Variants in ENTHD1 observed in about 807,000 individuals in gnomAD.
The protein encoded by ENTHD1 is ENTH domain-containing protein 1.
In ENTHD1, 23 loss-of-function variants were observed where a neutral mutation model predicts 39.1. That is an observed-to-expected ratio of 0.59 (90% confidence interval 0.42 to 0.83). The LOEUF (loss-of-function observed/expected upper bound fraction) is 0.83. ENTHD1 is among the 40% of genes least tolerant of loss of function. The pLI is 0.00. For missense variants in ENTHD1, 624 were observed against 705.4 expected (o/e 0.88, Z 1.31); for synonymous variants, 230 against 258.2 (o/e 0.89, Z 1.05).
intron 5 of ENTHD1, among the ~76,000 whole-genome samples, chr22:39,803,736 G>A (rs1202853894): frequency 6.6e-6 from 1 of 152,126 alleles, no homozygotes; most frequent in African/African-American, 2.4e-5. Context: ...TTACTAAGTT[G>A]GGGTCTAGAG....
chr22:39,743,531 A>G lies in ENTHD1; in HGVS notation c.*148T>C. ...AATAAACCACCCAAATGAAAGTATT[A>G]GTTTGAAAGATACTTGCTAATAAAC... is the stretch of plus-strand genomic sequence containing the variant. On this transcript the variant is annotated 3_prime_UTR_variant, in exon 7 of 7. Coordinates refer to ENST00000325157, the MANE Select transcript of ENTHD1 (RefSeq NM_152512.4). The G allele has an allele frequency of 1.2e-6, 1 of 867,808 alleles. No individual in the cohort carries two copies. The highest frequency in any genetic ancestry group is 2.5e-5 in the South Asian group (1 of 40,774). 53.8% of individuals were successfully genotyped at this position (867,808 alleles called of 1,614,324 possible).
At chr22:39,881,099 G>A (rs1266393898) in intron 2 of ENTHD1, among the ~76,000 whole-genome samples, 2 of 152,230 alleles carry the variant, frequency 1.3e-5, no homozygotes, top group Non-Finnish European at 2.9e-5. Context: ...ACAAAGTGCA[G>A]TAAACATGCT....
Position 39,820,920 on chromosome 22 carries a change from T to C in ENTHD1, c.832+73A>G, listed in dbSNP as rs376997525. On this transcript the variant is annotated intron_variant, in intron 5 of 6. Coordinates refer to ENST00000325157, the MANE Select transcript of ENTHD1 (RefSeq NM_152512.4). ...TCTGTCCCTCATTAACAAAGTTAAA[T>C]AGAAGCCAACGGTTGCTGTACTTCA... 197 of 1,559,294 alleles carry C rather than the reference T, an allele frequency of 1.3e-4. No individual in the cohort carries two copies. The South Asian group carries it at 2.2e-3, about 17-fold the overall frequency.
intron 3 of ENTHD1, among the ~76,000 whole-genome samples, chr22:39,852,517 C>A (rs2066050524): frequency 6.6e-6 from 1 of 152,190 alleles, no homozygotes; most frequent in Admixed American, 6.5e-5. Flanking sequence ...CTGAGAAATG[C>A]ATTGCTAGGC....
chr22:39,806,686 A>G (rs2065643194), intron 5 of ENTHD1, among the ~76,000 whole-genome samples: 1 of 152,134 alleles, frequency 6.6e-6, no homozygotes, highest in South Asian at 2.1e-4. Context: ...GAGGGAAATA[A>G]CAGGCAAGGA....
chr22:39,750,226 CT>C (rs1325253158), intron 6 of ENTHD1: 2 of 193,090 alleles, frequency 1.0e-5, no homozygotes, highest in African/African-American at 4.7e-5. Flanking sequence ...GAAAATGCTT[CT>C]GTTAGAACCT....
At chr22:39,857,178 C>T (rs1485657601) in intron 3 of ENTHD1, among the ~76,000 whole-genome samples, 1 of 152,136 alleles carries the variant, frequency 6.6e-6, no homozygotes, top group Non-Finnish European at 1.5e-5. Flanking sequence ...CGCAGTGGCT[C>T]ATGACTGTAA....
chr22:39,882,688 T>A (rs1014292843), intron 2 of ENTHD1, among the ~76,000 whole-genome samples: 4 of 152,152 alleles, frequency 2.6e-5, no homozygotes, highest in Admixed American at 2.0e-4. Context: ...GCTACTCTTC[T>A]AGTATATCAC....
intron 5 of ENTHD1, among the ~76,000 whole-genome samples, chr22:39,781,129 A>G (rs1393349239): frequency 6.6e-6 from 1 of 152,214 alleles, no homozygotes; most frequent in Non-Finnish European, 1.5e-5. Context: ...AAGAAACATC[A>G]GAGTTAAACT....
chr22:39,812,449 A>G (rs5757798), intron 5 of ENTHD1, among the ~76,000 whole-genome samples: 140,139 of 152,268 alleles, frequency 0.92, 64,676 homozygotes, highest in East Asian at 1. Flanking sequence ...CAGGATGTGC[A>G]CACAATGTGA....
chr22:39,793,676 T>C (rs556222151), intron 5 of ENTHD1, among the ~76,000 whole-genome samples: 5 of 152,216 alleles, frequency 3.3e-5, no homozygotes, highest in African/African-American at 9.6e-5. Flanking sequence ...CTTCCGCATA[T>C]GGATATCCAG....
chr22:39,813,511 A>G (rs559540691), intron 5 of ENTHD1, among the ~76,000 whole-genome samples: 2 of 152,352 alleles, frequency 1.3e-5, no homozygotes, highest in African/African-American at 4.8e-5. Flanking sequence ...TAAAGGAGAA[A>G]AACCTGTAAC....
intron 2 of ENTHD1, among the ~76,000 whole-genome samples, chr22:39,882,500 T>A (rs1490713940): frequency 1.3e-5 from 2 of 152,130 alleles, no homozygotes. Flanking sequence ...CATTGAAGAT[T>A]AGGGAAATAA....
In ENTHD1 at chr22:39,743,934, C is replaced by G. The variant is rs771623941; in HGVS notation, c.1569G>C (p.Gln523His). ...WGEFSTQNVDQFIPLSCSGFQ... is the reference protein window; with the variant it reads ...WGEFSTQNVDHFIPLSCSGFQ... ...AACCAGAACAGGACAGAGGGATGAA[C>G]TGGTCTACATTTTGGGTGGAAAACT... Residue 523 changes from glutamine to histidine, a missense_variant, in exon 7 of 7, where the codon CAG becomes CAC. Physicochemically the swap from Gln to His is conservative, Grantham distance 24 (BLOSUM62 0). Coordinates refer to ENST00000325157, the MANE Select transcript of ENTHD1 (RefSeq NM_152512.4). 1 of 1,614,122 alleles carries G rather than the reference C, an allele frequency of 6.2e-7. No individual in the cohort carries two copies. The highest frequency in any genetic ancestry group is 2.2e-5 in the East Asian group (1 of 44,888).
intron 5 of ENTHD1, among the ~76,000 whole-genome samples, chr22:39,805,281 G>A (rs1199527458): frequency 2.0e-5 from 3 of 152,222 alleles, no homozygotes; most frequent in Admixed American, 2.0e-4. Context: ...TCACCTCACA[G>A]CTGAAGGATG....
At chr22:39,819,071 A>G (rs916214141) in intron 5 of ENTHD1, among the ~76,000 whole-genome samples, 2 of 152,220 alleles carry the variant, frequency 1.3e-5, no homozygotes, top group Admixed American at 6.5e-5. Context: ...AGCACTAAAA[A>G]GAAAAGAGCT....
intron 5 of ENTHD1, among the ~76,000 whole-genome samples, chr22:39,793,977 C>T (rs2065526258): frequency 6.6e-6 from 1 of 152,140 alleles, no homozygotes; most frequent in Non-Finnish European, 1.5e-5. Flanking sequence ...TTAGGATTGT[C>T]TTTTCCATTT....
chr22:39,781,456 A>G (rs2065409481), intron 5 of ENTHD1, among the ~76,000 whole-genome samples: 1 of 152,174 alleles, frequency 6.6e-6, no homozygotes. Context: ...AAATTTCTTG[A>G]AACAAATGAA....
Position 39,743,754 on chromosome 22 carries a change from C to G in ENTHD1, c.1749G>C (p.Met583Ile), listed in dbSNP as rs758383045. Residue 583 changes from methionine (M) to isoleucine (I), a missense_variant, in exon 7 of 7, where the codon ATG becomes ATC. By Grantham distance (10) the Met-to-Ile change is conservative. Coordinates refer to ENST00000325157, the MANE Select transcript of ENTHD1 (RefSeq NM_152512.4). ...LNVINNILMSMSLNSSQISQS... is the reference protein window; with the variant it reads ...LNVINNILMSISLNSSQISQS... The stretch of plus-strand genomic sequence containing the variant: ...GGCTTATTTGTGAACTATTCAGACT[C>G]ATGCTCATCAAGATGTTATTGATGA... 7 of 1,614,168 alleles carry G rather than the reference C, an allele frequency of 4.3e-6. No homozygotes were observed. The South Asian group carries it at 7.7e-5, about 18-fold the overall frequency.
Sources: gnomAD v4.1 joint callset for allele counts (sites outside exome capture counted in the v4.1 genomes callset) on GRCh38, gnomAD v4.1.1 for gene constraint, MANE v1.5 for transcripts, NCBI Gene and HGNC (gene_info 2026-07-23, HGNC 2026-07-21) for gene names.